The following USP7 variants were observed in gnomAD, a reference collection of about 807,000 sequenced individuals.
The protein encoded by USP7 is ubiquitin specific peptidase 7, also known as ubiquitin C-terminal hydrolase 7.
USP7 carries 9 observed loss-of-function variants against 162.9 expected under a neutral mutation model. That is an observed-to-expected ratio of 0.06 (90% CI 0.03 to 0.10). The LOEUF (loss-of-function observed/expected upper bound fraction) is 0.10. USP7 is among the 10% of genes least tolerant of loss of function. The pLI, the probability that USP7 is intolerant of heterozygous loss-of-function variation, is 1.00. For missense variants in USP7, 715 were observed against 1,373.7 expected (o/e 0.52, Z 7.58); for synonymous variants, 562 against 475.9 (o/e 1.18, Z -2.35).
intron 10 of USP7, 111 bp from the exon 11 acceptor site, chr16:8,910,938 C>T (rs1393687806): frequency 1.2e-6 from 1 of 865,896 alleles, no homozygotes; most frequent in African/African-American, 1.7e-5. Flanking sequence ...AGAAGGTAAA[C>T]AACACTAACA....
intron 1 of USP7, among the ~76,000 whole-genome samples, chr16:8,938,497 G>T (rs1164087842): frequency 1.3e-5 from 2 of 152,114 alleles, no homozygotes; most frequent in Non-Finnish European, 2.9e-5. Context: ...TGGATCACAA[G>T]GTCAGGAGAT....
Position 8,899,681 on chromosome 16 carries a change from C to T in USP7, c.2386G>A (p.Val796Ile). The change falls in exon 22 of 31, where the codon GTC (valine) becomes ATC (isoleucine). Residue 796 changes from valine (V) to isoleucine (I), a missense_variant. Val to Ile is a conservative substitution (Grantham distance 29). Around this residue, in one of 11 missense-constraint regions of USP7, gnomAD observed 222 missense variants for 441.7 expected, o/e 0.50. Coordinates refer to ENST00000344836, the MANE Select transcript of USP7 (RefSeq NM_003470.3). ...YFRDLYHRVDVIFCDKTIPND... is the reference protein window; with the variant it reads ...YFRDLYHRVDIIFCDKTIPND... The stretch of plus-strand genomic sequence containing the variant: ...GGGATTGTTTTATCACAGAAAATGA[C>T]ATCAACGCGGTGGTAGAGATCTCGG... The T allele has an allele frequency of 6.2e-7, 1 of 1,614,182 alleles. No homozygotes were observed. Among genetic ancestry groups the T allele is most frequent in the Non-Finnish European group, 8.5e-7 (1 of 1,179,992 alleles).
intron 26 of USP7, among the ~76,000 whole-genome samples, chr16:8,896,696 A>G (rs1293702934): frequency 1.3e-5 from 2 of 152,130 alleles, no homozygotes; most frequent in African/African-American, 4.8e-5. Flanking sequence ...CCTTTTTACT[A>G]CAGCTAATGT....
chr16:8,918,151 A>ATT (rs2141206037), intron 6 of USP7, among the ~76,000 whole-genome samples: 1 of 152,322 alleles, frequency 6.6e-6, no homozygotes, highest in Non-Finnish European at 1.5e-5. Flanking sequence ...AAAAACTTAA[A>ATT]TGTGACTAGA....
intron 1 of USP7, among the ~76,000 whole-genome samples, chr16:8,934,204 T>C (rs1308770967): frequency 6.6e-6 from 1 of 152,218 alleles, no homozygotes; most frequent in Non-Finnish European, 1.5e-5. Context: ...TAAAACTTCA[T>C]GTCTAAAATC....
intron 30 of USP7, 67 bp downstream of exon 30, chr16:8,894,483 C>T: frequency 6.5e-7 from 1 of 1,543,408 alleles, no homozygotes; most frequent in Non-Finnish European, 8.8e-7. Context: ...CTGCCCCTCC[C>T]AGCCCCAGAC....
At chr16:8,921,561 G>T (rs145265695) in intron 3 of USP7, among the ~76,000 whole-genome samples, 109 of 152,260 alleles carry the variant, frequency 7.2e-4, no homozygotes, top group African/African-American at 2.4e-3. Flanking sequence ...TTCTTTCATT[G>T]TATCTATACA....
At chr16:8,933,731 T>C (rs1453074509) in intron 1 of USP7, among the ~76,000 whole-genome samples, 11 of 151,910 alleles carry the variant, frequency 7.2e-5, no homozygotes, top group Non-Finnish European at 1.5e-4. Flanking sequence ...ATTACAGGCA[T>C]GTGCCACCCT....
At chr16:8,913,906 G>C (rs150142638) in intron 10 of USP7, among the ~76,000 whole-genome samples, 1 of 151,598 alleles carries the variant, frequency 6.6e-6, no homozygotes, top group Non-Finnish European at 1.5e-5. Flanking sequence ...ATGCCACCAC[G>C]CCCAGCTAAT....
At position 8,901,204 on chromosome 16, in the gene USP7, T is replaced by G; in HGVS notation, c.2078A>C (p.Asp693Ala). Residue 693 changes from aspartate to alanine, a missense_variant, in exon 19 of 31, where the codon GAT (aspartate) becomes GCT (alanine). Physicochemically the swap from Asp to Ala is moderately radical, Grantham distance 126. Around this residue, in one of 11 missense-constraint regions of USP7, gnomAD observed 197 missense variants for 306.5 expected, o/e 0.64. Coordinates refer to ENST00000344836, the MANE Select transcript of USP7 (RefSeq NM_003470.3). ...HDVMLFLKMY[D>A]PKTRSLNYCG... ...GTAATTCAAGCTCCGCGTTTTGGGA[T>G]CATACATCTTCAAAAATAACATTAC... The G allele has an allele frequency of 6.2e-7, 1 of 1,613,578 alleles. No homozygotes were observed. Among genetic ancestry groups the G allele is most frequent in the Non-Finnish European group, 8.5e-7 (1 of 1,179,686 alleles).
intron 1 of USP7, among the ~76,000 whole-genome samples, chr16:8,936,237 G>C (rs893576840): frequency 3.3e-5 from 5 of 151,922 alleles, no homozygotes; most frequent in African/African-American, 9.7e-5. Flanking sequence ...CTGTTATTAC[G>C]GCAGATACGC....
At chr16:8,898,306 A>T (rs1268947858) in intron 25 of USP7, 54 bp downstream of exon 25, 1 of 1,404,086 alleles carries the variant, frequency 7.1e-7, no homozygotes. Flanking sequence ...GACAGGTAGA[A>T]ACAATAAGCA....
chr16:8,958,200 CAAAAAGTG>C (rs1899884852), intron 1 of USP7, among the ~76,000 whole-genome samples: 1 of 152,124 alleles, frequency 6.6e-6, no homozygotes, highest in Non-Finnish European at 1.5e-5. Context: ...GCAGGTGGGG[CAAAAAGTG>C]CATGGGTCTT....
chr16:8,963,105 G>T (rs996248815), intron 1 of USP7, 102 bp downstream of exon 1: 2 of 1,093,210 alleles, frequency 1.8e-6, no homozygotes, highest in Non-Finnish European at 2.3e-6. Flanking sequence ...GCCGCCCGGG[G>T]CCTGGTTAAA....
intron 6 of USP7, among the ~76,000 whole-genome samples, chr16:8,917,535 C>A (rs113125486): frequency 1.3e-5 from 2 of 151,626 alleles, no homozygotes; most frequent in Non-Finnish European, 2.9e-5. Flanking sequence ...CGCACCACCA[C>A]GCCAGGCTAA....
At chr16:8,956,103 T>C (rs1899788993) in intron 1 of USP7, among the ~76,000 whole-genome samples, 1 of 152,166 alleles carries the variant, frequency 6.6e-6, no homozygotes, top group Non-Finnish European at 1.5e-5. Context: ...TGGAGGTTAG[T>C]ACATAACACA....
intron 2 of USP7, among the ~76,000 whole-genome samples, chr16:8,927,394 T>G (rs1898069496): frequency 6.6e-6 from 1 of 152,116 alleles, no homozygotes; most frequent in Non-Finnish European, 1.5e-5. Flanking sequence ...TGGTATGAAA[T>G]TTCTCCAAAT....
rs773460943 is a variant in USP7 at position 8,920,339 on chromosome 16, C to G, written c.611+20G>C. On this transcript the variant is annotated intron_variant, in intron 5 of 30. Coordinates refer to ENST00000344836, the MANE Select transcript of USP7 (RefSeq NM_003470.3). ...GCACAAAAGACATTTTTAACAGCAC[C>G]TGATTAAAGAAAAACTTACGCAACT... 1.2e-5 allele frequency: 19 copies of G among 1,596,930 alleles called. No individual in the cohort carries two copies. The highest frequency in any genetic ancestry group is 2.3e-5 in the South Asian group (2 of 88,204).
At chr16:8,895,328 T>C (rs182429756) in intron 27 of USP7, among the ~76,000 whole-genome samples, 178 bp from the exon 28 acceptor site, 3 of 152,282 alleles carry the variant, frequency 2.0e-5, no homozygotes, top group African/African-American at 7.2e-5. Flanking sequence ...CCAGAAGATA[T>C]CCAAGTTTCT....
Sources: allele counts gnomAD v4.1 joint callset (sites outside exome capture counted in the v4.1 genomes callset), GRCh38; gene constraint gnomAD v4.1.1; regional missense constraint gnomAD v4.1.1; transcripts MANE v1.5; gene names NCBI Gene and HGNC (gene_info 2026-07-23, HGNC 2026-07-21).